Variants in CCDC192 observed in about 807,000 individuals in gnomAD.
CCDC192 encodes the protein coiled-coil domain containing 192, also known as coiled-coil domain-containing protein 192.
At chr5:127,893,883 C>T (rs903405377) in intron 6 of CCDC192, among the ~76,000 whole-genome samples, 1 of 151,810 alleles carries the variant, frequency 6.6e-6, no homozygotes, top group African/African-American at 2.4e-5. Flanking sequence ...AGACAGACCT[C>T]CTGTATCTAA....
intron 3 of CCDC192, among the ~76,000 whole-genome samples, chr5:127,757,760 CAAG>C (rs1754680076): frequency 7.0e-6 from 1 of 142,790 alleles, no homozygotes; most frequent in Non-Finnish European, 1.5e-5. Flanking sequence ...GTGTTAAAGA[CAAG>C]GATTACACAC....
At chr5:127,867,602 A>G (rs1751668168) in intron 5 of CCDC192, among the ~76,000 whole-genome samples, 1 of 152,168 alleles carries the variant, frequency 6.6e-6, no homozygotes, top group South Asian at 2.1e-4. Flanking sequence ...TTGGACTGGA[A>G]AACAGCTTCC....
At chr5:127,832,268 G>C (rs898586294) in intron 5 of CCDC192, among the ~76,000 whole-genome samples, 1 of 152,134 alleles carries the variant, frequency 6.6e-6, no homozygotes, top group Non-Finnish European at 1.5e-5. Context: ...TGAAAAATAG[G>C]AAGTCTTGCA....
intron 6 of CCDC192, among the ~76,000 whole-genome samples, chr5:127,922,217 A>G (rs1198009261): frequency 6.6e-6 from 1 of 152,190 alleles, no homozygotes; most frequent in East Asian, 1.9e-4. Flanking sequence ...AGATTTTTCC[A>G]TAAGTTTGAT....
chr5:127,838,251 T>C (rs2127057883), intron 5 of CCDC192, among the ~76,000 whole-genome samples: 1 of 152,296 alleles, frequency 6.6e-6, no homozygotes, highest in East Asian at 1.9e-4. Context: ...TTGGCGTGAG[T>C]ATTAATAAGG....
chr5:127,879,121 T>C (rs1024018191), intron 6 of CCDC192, among the ~76,000 whole-genome samples: 2 of 151,842 alleles, frequency 1.3e-5, no homozygotes, highest in Non-Finnish European at 2.9e-5. Context: ...GACAATGGGG[T>C]TTTCTAGAGC....
At chr5:127,705,701 G>T (rs1269895457) in intron 1 of CCDC192, among the ~76,000 whole-genome samples, 1 of 152,094 alleles carries the variant, frequency 6.6e-6, no homozygotes, top group African/African-American at 2.4e-5. Context: ...AGAAATGTAA[G>T]ATTTCAACAA....
At chr5:127,924,898 C>T (rs1753822792) in intron 6 of CCDC192, among the ~76,000 whole-genome samples, 1 of 152,152 alleles carries the variant, frequency 6.6e-6, no homozygotes, top group Non-Finnish European at 1.5e-5. Flanking sequence ...TTATCCCCCT[C>T]TTTACTCCTA....
chr5:127,798,009 C>T (rs1298568353), intron 4 of CCDC192, 97 bp from the exon 5 acceptor site: 6 of 393,422 alleles, frequency 1.5e-5, no homozygotes, highest in Non-Finnish European at 2.2e-5. Context: ...CTGCCATTCA[C>T]GAGATTTGAA....
chr5:127,897,959 A>G (rs1220514500), intron 6 of CCDC192, among the ~76,000 whole-genome samples: 1 of 152,252 alleles, frequency 6.6e-6, no homozygotes. Context: ...GCAGTATAAC[A>G]GTAATCATTG....
intron 3 of CCDC192, among the ~76,000 whole-genome samples, chr5:127,768,062 G>T (rs1283834319): frequency 6.6e-6 from 1 of 151,990 alleles, no homozygotes; most frequent in Non-Finnish European, 1.5e-5. Flanking sequence ...GACCAGCCTG[G>T]CCAACATGGT....
chr5:127,851,878 T>C (rs1160658760), intron 5 of CCDC192, among the ~76,000 whole-genome samples: 1 of 152,248 alleles, frequency 6.6e-6, no homozygotes, highest in East Asian at 1.9e-4. Context: ...GTCTAGCTAT[T>C]GCTCTGTCTC....
chr5:127,715,690 A>G (rs1751588199), intron 2 of CCDC192, among the ~76,000 whole-genome samples: 1 of 152,210 alleles, frequency 6.6e-6, no homozygotes, highest in African/African-American at 2.4e-5. Flanking sequence ...ACATTTTAAC[A>G]ATATTAATAT....
intron 5 of CCDC192, among the ~76,000 whole-genome samples, chr5:127,828,721 G>GT (rs1290964919): frequency 2.6e-5 from 4 of 152,198 alleles, no homozygotes; most frequent in African/African-American, 9.6e-5. Flanking sequence ...GAAATGAAAT[G>GT]TAAGTGGAAA....
At chr5:127,820,849 T>A (rs936677399) in intron 5 of CCDC192, among the ~76,000 whole-genome samples, 3 of 152,206 alleles carry the variant, frequency 2.0e-5, no homozygotes, top group African/African-American at 7.2e-5. Flanking sequence ...AATGATATAA[T>A]CGTAAACTAG....
intron 3 of CCDC192, among the ~76,000 whole-genome samples, chr5:127,757,464 G>T (rs573333427): frequency 2.0e-5 from 3 of 151,950 alleles, no homozygotes; most frequent in Non-Finnish European, 4.4e-5. Flanking sequence ...TGTTGTCAGA[G>T]GATTTAATCC....
chr5:127,741,141 G>C (rs7722203), intron 2 of CCDC192, among the ~76,000 whole-genome samples: 1 of 152,082 alleles, frequency 6.6e-6, no homozygotes, highest in Non-Finnish European at 1.5e-5. Context: ...GCTCACTGCA[G>C]CCTCCACTTC....
At chr5:127,796,720 A>C (rs576943342) in intron 3 of CCDC192, among the ~76,000 whole-genome samples, 4 of 152,260 alleles carry the variant, frequency 2.6e-5, no homozygotes, top group African/African-American at 7.2e-5. Flanking sequence ...GCCCACCAAG[A>C]GTTAAGTTTC....
chr5:127,739,410 G>A (rs989505493), intron 2 of CCDC192: 4 of 152,298 alleles, frequency 2.6e-5, no homozygotes, highest in African/African-American at 9.7e-5. Flanking sequence ...CCCCAGGGGT[G>A]GAGCCTACAG....
Sources: allele counts gnomAD v4.1 joint callset (sites outside exome capture counted in the v4.1 genomes callset), GRCh38; gene constraint gnomAD v4.1.1; transcripts MANE v1.5; gene names NCBI Gene and HGNC (gene_info 2026-07-23, HGNC 2026-07-21).